Variants in SCN9A observed in about 807,000 individuals in gnomAD.
SCN9A encodes sodium channel protein type 9 subunit alpha.
SCN9A carries 131 observed loss-of-function variants against 187.0 expected under a neutral mutation model. The observed-to-expected ratio is 0.70, with a 90% CI of 0.61 to 0.81. The LOEUF (loss-of-function observed/expected upper bound fraction) is 0.81, where lower values mean the gene tolerates loss of function less well. Among genes scored for constraint, SCN9A ranks in the 30% least tolerant of loss-of-function variants. The pLI is 0.00. For synonymous variants in SCN9A, 809 were observed against 808.6 expected (o/e 1.00, Z -0.01); for missense variants, 2,252 against 2,396.6 (o/e 0.94, Z 1.26).
intron 1 of SCN9A, among the ~76,000 whole-genome samples, chr2:166,333,382 A>T (rs553890257): frequency 6.6e-6 from 1 of 152,096 alleles, no homozygotes; most frequent in Non-Finnish European, 1.5e-5. Flanking sequence ...GACTTATAAA[A>T]TTCCTTATAG....
At position 166,348,880 on chromosome 2, in the gene SCN9A, C is replaced by G. The variant is rs150107947; in HGVS notation, c.-51+26817G>C. On this transcript the variant is annotated intron_variant, in intron 1 of 26. Transcript: ENST00000642356. ...GTGGCTCACGTCTGTAATCCCAACA[C>G]TTTGGGAGGCAGAGGTGGGCAGATC... 8.0e-3 allele frequency among the ~76,000 whole-genome samples: 1,221 copies of G among 152,244 alleles called. 21 individuals carry two copies. Among genetic ancestry groups the G allele is most frequent in the African/African-American group, 0.028 (1,158 of 41,538 alleles).
At chr2:166,373,634 G>A (rs1700616619) in intron 1 of SCN9A, among the ~76,000 whole-genome samples, 1 of 152,162 alleles carries the variant, frequency 6.6e-6, no homozygotes, top group Admixed American at 6.6e-5. Context: ...GCAATCAAAG[G>A]TGATTTCAAT....
intron 24 of SCN9A, among the ~76,000 whole-genome samples, chr2:166,219,872 AAATTTCTACAATGTTTATGT>A (rs1334607985): frequency 1.3e-5 from 2 of 152,208 alleles, no homozygotes; most frequent in African/African-American, 4.8e-5. Flanking sequence ...GCGTGACTGA[AAATTTCTACAATGTTTATGT>A]AGATCAAAAC....
intron 17 of SCN9A, among the ~76,000 whole-genome samples, chr2:166,261,793 T>C (rs1368537977): frequency 6.6e-6 from 1 of 151,974 alleles, no homozygotes; most frequent in African/African-American, 2.4e-5. Flanking sequence ...CATGTGTACC[T>C]TGGTGTGGCA....
intron 11 of SCN9A, among the ~76,000 whole-genome samples, chr2:166,286,034 T>C (rs1697724198): frequency 6.6e-6 from 1 of 152,166 alleles, no homozygotes; most frequent in African/African-American, 2.4e-5. Flanking sequence ...TAAAAGTTAT[T>C]CTATAGTGTG....
Position 166,236,702 on chromosome 2 carries a change from C to T in SCN9A, c.3801+1392G>A, listed in dbSNP as rs539553082. 7.2e-5 allele frequency among the ~76,000 whole-genome samples: 11 copies of T among 152,254 alleles called. No individual in the cohort carries two copies. In the South Asian group the frequency reaches 1.7e-3, roughly 23 times the overall value. On this transcript the variant is annotated intron_variant, in intron 20 of 26. Transcript: ENST00000642356. Reference sequence around the variant, plus strand: ...ACTCTCAAAGTGCTGGGATTACAGGCGTGAGCTACCGCGCCTGGCCAGAAG... The same window carrying T: ...ACTCTCAAAGTGCTGGGATTACAGGTGTGAGCTACCGCGCCTGGCCAGAAG...
intron 2 of SCN9A, 56 bp from the exon 3 acceptor site, chr2:166,307,130 A>C: frequency 1.0e-6 from 1 of 995,314 alleles, no homozygotes. Flanking sequence ...AATTTTTCAC[A>C]TCAATATCAG....
chr2:166,314,825 T>C (rs1699068585), intron 1 of SCN9A, among the ~76,000 whole-genome samples: 1 of 152,186 alleles, frequency 6.6e-6, no homozygotes, highest in Non-Finnish European at 1.5e-5. Flanking sequence ...GATGGTTATG[T>C]GGTTAATGGT....
chr2:166,243,167 T>A (rs967940187), intron 18 of SCN9A, among the ~76,000 whole-genome samples: 3 of 152,126 alleles, frequency 2.0e-5, no homozygotes, highest in Non-Finnish European at 4.4e-5. Flanking sequence ...AAGATCCAGA[T>A]GAAACTGTTT....
intron 1 of SCN9A, among the ~76,000 whole-genome samples, chr2:166,370,553 A>AT (rs1359503999): frequency 9.2e-5 from 14 of 151,624 alleles, no homozygotes; most frequent in African/African-American, 3.1e-4. Context: ...AAAAAAATAA[A>AT]AAATAAAAAA....
At chr2:166,211,056 T>C (rs754137708) in intron 24 of SCN9A, among the ~76,000 whole-genome samples, 16 of 80,156 alleles carry the variant, frequency 2.0e-4, no homozygotes, top group Non-Finnish European at 3.3e-4. Flanking sequence ...GGTGAAACTC[T>C]ATCTCGGAAA....
chr2:166,240,807 G>C (rs980233008), intron 19 of SCN9A, among the ~76,000 whole-genome samples: 3 of 152,176 alleles, frequency 2.0e-5, no homozygotes, highest in Non-Finnish European at 4.4e-5. Flanking sequence ...CCTCAGGGTT[G>C]TGTTTGCAGT....
intron 1 of SCN9A, among the ~76,000 whole-genome samples, chr2:166,354,019 C>T (rs1700098042): frequency 6.6e-6 from 1 of 152,152 alleles, no homozygotes; most frequent in Non-Finnish European, 1.5e-5. Flanking sequence ...ACATAGATGT[C>T]ACACTAATTT....
intron 1 of SCN9A, among the ~76,000 whole-genome samples, chr2:166,336,710 T>C (rs1335032516): frequency 6.6e-6 from 1 of 152,104 alleles, no homozygotes; most frequent in Non-Finnish European, 1.5e-5. Context: ...CTGAGAGGTA[T>C]TCTAGGCTTC....
chr2:166,207,261 G>A (rs16851785), intron 24 of SCN9A, among the ~76,000 whole-genome samples: 4,518 of 152,072 alleles, frequency 0.03, 485 homozygotes, highest in Admixed American at 0.2. Context: ...AGATGACCTG[G>A]TTATGGTTTC....
chr2:166,372,477 G>T (rs939390075), intron 1 of SCN9A, among the ~76,000 whole-genome samples: 2 of 151,964 alleles, frequency 1.3e-5, no homozygotes, highest in Non-Finnish European at 2.9e-5. Context: ...ACCTAACAAG[G>T]TTATCATTTT....
At chr2:166,216,062 G>A (rs1331258081) in intron 24 of SCN9A, among the ~76,000 whole-genome samples, 1 of 151,972 alleles carries the variant, frequency 6.6e-6, no homozygotes, top group African/African-American at 2.4e-5. Flanking sequence ...ATTTATCTGA[G>A]GGATGCAAAA....
chr2:166,262,653 T>C (rs889769910), intron 17 of SCN9A, among the ~76,000 whole-genome samples: 4 of 151,990 alleles, frequency 2.6e-5, no homozygotes, highest in Admixed American at 6.6e-5. Flanking sequence ...GATTACAGCT[T>C]GGGGTTTAAA....
chr2:166,200,474 C>G (rs1256791540), intron 26 of SCN9A, among the ~76,000 whole-genome samples: 2 of 152,062 alleles, frequency 1.3e-5, no homozygotes, highest in Non-Finnish European at 2.9e-5. Flanking sequence ...ATAGAAAATT[C>G]AAGCAATACC....
Sources: gnomAD v4.1 joint callset for allele counts (sites outside exome capture counted in the v4.1 genomes callset) on GRCh38, gnomAD v4.1.1 for gene constraint, MANE v1.5 for transcripts, NCBI Gene and HGNC (gene_info 2026-07-23, HGNC 2026-07-21) for gene names.